Variants in SLC16A10 observed in about 807,000 individuals in gnomAD.
SLC16A10 encodes the protein monocarboxylate transporter 10.
A neutral mutation model predicts 40.0 loss-of-function variants in SLC16A10; 27 were observed. The ratio of observed to expected loss-of-function variants is 0.67; its 90% confidence interval spans 0.50 to 0.93. SLC16A10 has a LOEUF of 0.93. SLC16A10 is among the 40% of genes least tolerant of loss of function. The probability of loss-of-function intolerance (pLI) is 0.00; values close to 1 mark genes in which losing one functional copy is unlikely to be tolerated. For synonymous variants in SLC16A10, 213 were observed against 249.8 expected (o/e 0.85, Z 1.39); for missense variants, 529 against 658.2 (o/e 0.80, Z 2.15).
chr6:111,121,849 A>G (rs939478931), intron 1 of SLC16A10, among the ~76,000 whole-genome samples: 16 of 152,212 alleles, frequency 1.1e-4, no homozygotes, highest in African/African-American at 1.2e-4. Context: ...TTTATATTTC[A>G]TCTTGTTTTG....
intron 1 of SLC16A10, among the ~76,000 whole-genome samples, chr6:111,132,657 T>G (rs1272106444): frequency 6.6e-6 from 1 of 152,236 alleles, no homozygotes; most frequent in Non-Finnish European, 1.5e-5. Flanking sequence ...GCTCTTCTGT[T>G]AGAATAAAGG....
At chr6:111,218,487 A>G (rs1013457244) in intron 4 of SLC16A10, among the ~76,000 whole-genome samples, 2 of 152,104 alleles carry the variant, frequency 1.3e-5, no homozygotes, top group Admixed American at 1.3e-4. Flanking sequence ...GCTTAGGCAG[A>G]AGAATTGCTT....
intron 1 of SLC16A10, among the ~76,000 whole-genome samples, chr6:111,162,183 A>G (rs1335420923): frequency 6.6e-6 from 1 of 152,240 alleles, no homozygotes; most frequent in East Asian, 1.9e-4. Context: ...CTTTAGTCTT[A>G]TATTTGGCCT....
At chr6:111,113,322 G>T (rs1771423783) in intron 1 of SLC16A10, among the ~76,000 whole-genome samples, 1 of 152,164 alleles carries the variant, frequency 6.6e-6, no homozygotes, top group African/African-American at 2.4e-5. Flanking sequence ...TTATCACAGT[G>T]TGTCCTCTGT....
At chr6:111,094,598 T>C (rs966691238) in intron 1 of SLC16A10, among the ~76,000 whole-genome samples, 1 of 152,196 alleles carries the variant, frequency 6.6e-6, no homozygotes, top group African/African-American at 2.4e-5. Context: ...TCAGTCCCAC[T>C]TTTCTTTCAC....
intron 4 of SLC16A10, among the ~76,000 whole-genome samples, chr6:111,214,866 T>A (rs1008763572): frequency 6.6e-6 from 1 of 152,158 alleles, no homozygotes; most frequent in Non-Finnish European, 1.5e-5. Context: ...ATGCCTGTAA[T>A]CCCAGCACTT....
intron 4 of SLC16A10, among the ~76,000 whole-genome samples, chr6:111,213,799 C>T (rs1773381126): frequency 6.6e-6 from 1 of 152,216 alleles, no homozygotes; most frequent in Admixed American, 6.5e-5. Flanking sequence ...AGAATCCAGC[C>T]ACCTGCTGTG....
At chr6:111,127,616 A>G (rs1771699939) in intron 1 of SLC16A10, among the ~76,000 whole-genome samples, 1 of 152,200 alleles carries the variant, frequency 6.6e-6, no homozygotes, top group Admixed American at 6.5e-5. Context: ...ACATACAACT[A>G]GTGGTGGCTG....
intron 1 of SLC16A10, 116 bp downstream of exon 1, chr6:111,088,211 A>C: frequency 9.6e-7 from 1 of 1,039,860 alleles, no homozygotes; most frequent in Non-Finnish European, 1.4e-6. Context: ...TCCCTGTGCC[A>C]GAGGGTGCGA....
chr6:111,158,076 TA>T (rs1772304489), intron 1 of SLC16A10, among the ~76,000 whole-genome samples: 1 of 152,100 alleles, frequency 6.6e-6, no homozygotes. Flanking sequence ...TTTAATGTTT[TA>T]AAAGAGCTAT....
chr6:111,211,910 G>A (rs1199012242), intron 4 of SLC16A10, among the ~76,000 whole-genome samples: 1 of 152,148 alleles, frequency 6.6e-6, no homozygotes, highest in African/African-American at 2.4e-5. Flanking sequence ...GAATGCTCCT[G>A]GGCTTACCTT....
chr6:111,216,455 G>A (rs1256795429), intron 4 of SLC16A10, among the ~76,000 whole-genome samples: 2 of 151,856 alleles, frequency 1.3e-5, no homozygotes, highest in East Asian at 3.9e-4. Flanking sequence ...CCAGGCTGGA[G>A]TGCAGTGGGG....
At chr6:111,148,775 T>C (rs1487913046) in intron 1 of SLC16A10, among the ~76,000 whole-genome samples, 1 of 152,152 alleles carries the variant, frequency 6.6e-6, no homozygotes, top group Non-Finnish European at 1.5e-5. Flanking sequence ...AACCAACCAC[T>C]TTTTGCCTCA....
At chr6:111,155,152 G>T (rs1424350597) in intron 1 of SLC16A10, among the ~76,000 whole-genome samples, 1 of 150,858 alleles carries the variant, frequency 6.6e-6, no homozygotes, top group Non-Finnish European at 1.5e-5. Context: ...AGGGTACACC[G>T]CACAATCTTC....
chr6:111,131,613 G>C (rs1449611500), intron 1 of SLC16A10, among the ~76,000 whole-genome samples: 1 of 152,204 alleles, frequency 6.6e-6, no homozygotes, highest in East Asian at 1.9e-4. Flanking sequence ...CAATTAGCAT[G>C]GCCACCAGAC....
At position 111,087,943 on chromosome 6, in the gene SLC16A10, C is replaced by T. The variant is rs1364730122; in HGVS notation, c.191C>T (p.Pro64Leu). Residue 64 changes from proline (P) to leucine (L), a missense_variant, in exon 1 of 6, where the codon CCC becomes CTC. Physicochemically the swap from Pro to Leu is moderately conservative, Grantham distance 98. Transcript: ENST00000368851. ...GCGGAGCCCCATGAGCCCCCCGAAC[C>T]CCCCGAGGGCGGCTGGGGCTGGCTG... ...ATAEPHEPPE[P>L]PEGGWGWLVM... 5.0e-6 allele frequency: 8 copies of T among 1,608,712 alleles called. No homozygotes were observed. Among genetic ancestry groups the T allele is most frequent in the East Asian group, 4.5e-5 (2 of 44,566 alleles).
chr6:111,219,475 C>G (rs992640434), intron 5 of SLC16A10, among the ~76,000 whole-genome samples: 1 of 151,862 alleles, frequency 6.6e-6, no homozygotes, highest in Non-Finnish European at 1.5e-5. Context: ...CTGCAGTGAG[C>G]TGTGATCATA....
chr6:111,118,604 C>T (rs1771529699), intron 1 of SLC16A10, among the ~76,000 whole-genome samples: 1 of 147,316 alleles, frequency 6.8e-6, no homozygotes, highest in Non-Finnish European at 1.5e-5. Flanking sequence ...TTCCTTGAAA[C>T]TGGGAGGTGG....
At chr6:111,218,165 AGC>A (rs1770806916) in intron 4 of SLC16A10, among the ~76,000 whole-genome samples, 1 of 152,234 alleles carries the variant, frequency 6.6e-6, no homozygotes, top group Non-Finnish European at 1.5e-5. Flanking sequence ...GAGCTGATTG[AGC>A]ACTGACCAGA....
Sources: gnomAD v4.1 joint callset for allele counts (sites outside exome capture counted in the v4.1 genomes callset) on GRCh38, gnomAD v4.1.1 for gene constraint, MANE v1.5 for transcripts, NCBI Gene and HGNC (gene_info 2026-07-23, HGNC 2026-07-21) for gene names.